The following TTC21B variants were observed in gnomAD, a reference collection of about 807,000 sequenced individuals.
TTC21B encodes the protein tetratricopeptide repeat domain 21B.
TTC21B carries 127 observed loss-of-function variants against 175.1 expected under a neutral mutation model. That is an observed-to-expected ratio of 0.73 (90% CI 0.63 to 0.84). TTC21B has a LOEUF of 0.84. Ranked by LOEUF, TTC21B falls within the 40% of genes least tolerant of loss-of-function variation. The pLI is 0.00. For missense variants in TTC21B, 1,561 were observed against 1,558.3 expected (o/e 1.00, Z -0.03); for synonymous variants, 524 against 524.5 (o/e 1.00, Z 0.01).
intron 20 of TTC21B, 25 bp downstream of exon 20, chr2:165,901,697 T>C (rs1303864663): frequency 5.0e-6 from 8 of 1,599,026 alleles, no homozygotes; most frequent in African/African-American, 2.7e-5. Flanking sequence ...ATAAAAGGTA[T>C]TTAAAATTTT....
chr2:165,888,030 T>C (rs1388165144), intron 25 of TTC21B, among the ~76,000 whole-genome samples: 1 of 152,182 alleles, frequency 6.6e-6, no homozygotes, highest in Non-Finnish European at 1.5e-5. Flanking sequence ...CTTATATACT[T>C]TTGAAGAATT....
chr2:165,912,459 A>G (rs1685988299), intron 17 of TTC21B, 55 bp downstream of exon 17: 2 of 1,353,412 alleles, frequency 1.5e-6, no homozygotes, highest in Non-Finnish European at 2.1e-6. Flanking sequence ...CTTCTCGAGG[A>G]CAGGGTATGA....
intron 26 of TTC21B, among the ~76,000 whole-genome samples, chr2:165,881,593 T>C (rs2105282037): frequency 6.6e-6 from 1 of 152,236 alleles, no homozygotes; most frequent in East Asian, 1.9e-4. Flanking sequence ...GTGGTGTTTA[T>C]ATAATATATT....
At chr2:165,887,648 T>C (rs907269231) in intron 25 of TTC21B, among the ~76,000 whole-genome samples, 8 of 151,570 alleles carry the variant, frequency 5.3e-5, no homozygotes, top group Admixed American at 1.3e-4. Flanking sequence ...GATCGCGCCA[T>C]TGCACTCCAG....
At chr2:165,898,606 G>T in intron 22 of TTC21B, 80 bp downstream of exon 22, 2 of 947,070 alleles carry the variant, frequency 2.1e-6, no homozygotes, top group South Asian at 1.3e-5. Flanking sequence ...GTTTGCCCGA[G>T]GGCATAACCA....
At chr2:165,903,178 T>C (rs73969722) in intron 19 of TTC21B, among the ~76,000 whole-genome samples, 6,800 of 152,256 alleles carry the variant, frequency 0.045, 217 homozygotes, top group African/African-American at 0.082. Flanking sequence ...GCTGTTGCCA[T>C]GGGAGTACAT....
At chr2:165,945,767 G>C (rs887475200) in intron 3 of TTC21B, 77 bp from the exon 4 acceptor site, 3 of 1,464,770 alleles carry the variant, frequency 2.0e-6, no homozygotes, top group Non-Finnish European at 2.8e-6. Context: ...AATTAACAAG[G>C]CAAAAAATTT....
In TTC21B at chr2:165,935,753, C is replaced by G. The variant is rs1438126626; in HGVS notation, c.711-2696G>C. Among the ~76,000 whole-genome samples the G allele has an allele frequency of 2.0e-5, 3 of 152,072 alleles. No individual in the cohort carries two copies. The East Asian group carries it at 5.8e-4, about 29-fold the overall frequency. ...GTAAAATACTTAGGTACATATAAAT[C>G]TAACAAAATATGTGCAAGATTTCTA... On this transcript the variant is annotated intron_variant, in intron 6 of 28. Coordinates refer to ENST00000243344, the MANE Select transcript of TTC21B (RefSeq NM_024753.5).
At chr2:165,927,247 TATATATATATATATCCTAGTAG>T (rs1686693642) in intron 11 of TTC21B, among the ~76,000 whole-genome samples, 10 of 662 alleles carry the variant, frequency 0.015, no homozygotes, top group Admixed American at 0.025. Context: ...TCCTAGTAGT[TATATATATATATATCCTAGTAG>T]TTATATATAT....
chr2:165,935,943 T>C (rs1394484641), intron 6 of TTC21B, among the ~76,000 whole-genome samples: 1 of 136,516 alleles, frequency 7.3e-6, no homozygotes, highest in Non-Finnish European at 1.7e-5. Flanking sequence ...GCAAGTTATT[T>C]TGAGGATATT....
chr2:165,885,697 T>A (rs1384101972), intron 25 of TTC21B, among the ~76,000 whole-genome samples: 1 of 152,196 alleles, frequency 6.6e-6, no homozygotes, highest in African/African-American at 2.4e-5. Flanking sequence ...AAATAACCTC[T>A]CTTACACTTT....
At chr2:165,896,575 T>C (rs1166334433) in intron 22 of TTC21B, among the ~76,000 whole-genome samples, 1 of 152,094 alleles carries the variant, frequency 6.6e-6, no homozygotes, top group Non-Finnish European at 1.5e-5. Context: ...CAAGAAGTGG[T>C]GCTACTTGAT....
rs377209277 is a variant in TTC21B at position 165,890,936 on chromosome 2, T to G, written c.3003A>C (p.Lys1001Asn). The G allele has an allele frequency of 2.5e-5, 41 of 1,613,086 alleles. No homozygotes were observed. The highest frequency in any genetic ancestry group is 2.2e-5 in the East Asian group (1 of 44,792). Residue 1001 changes from lysine (K) to asparagine (N), a missense_variant, in exon 23 of 29, where the codon AAA becomes AAC. Transcript: ENST00000243344. Reference sequence around the variant, plus strand: ...AGAAAAATCTTGGGACATCCTCGAGTTTTCCACATCTTCTTAGGAGATCAA... The same window carrying G: ...AGAAAAATCTTGGGACATCCTCGAGGTTTCCACATCTTCTTAGGAGATCAA... The part of the protein sequence containing the change: ...RLIDLLRRCG[K>N]LEDVPRFFSM...
chr2:165,945,278 CAG>C (rs1687510242), intron 4 of TTC21B, among the ~76,000 whole-genome samples: 1 of 152,022 alleles, frequency 6.6e-6, no homozygotes, highest in African/African-American at 2.4e-5. Context: ...AAGAGAAAAA[CAG>C]AGAGAAGGAA....
At chr2:165,910,476 T>C (rs1685892623) in intron 18 of TTC21B, among the ~76,000 whole-genome samples, 1 of 151,968 alleles carries the variant, frequency 6.6e-6, no homozygotes. Flanking sequence ...CCCAAACAAA[T>C]TTTACATGCA....
intron 6 of TTC21B, among the ~76,000 whole-genome samples, chr2:165,937,397 T>C (rs1687189635): frequency 6.6e-6 from 1 of 152,164 alleles, no homozygotes; most frequent in Non-Finnish European, 1.5e-5. Context: ...TCCAAACCAC[T>C]AGAATGTACA....
At chr2:165,914,461 C>T (rs1686068359) in intron 15 of TTC21B, among the ~76,000 whole-genome samples, 1 of 152,132 alleles carries the variant, frequency 6.6e-6, no homozygotes, top group African/African-American at 2.4e-5. Context: ...CGGTGCTGCT[C>T]AGTTTCTCTG....
At chr2:165,876,057 A>G (rs1223208937) in intron 28 of TTC21B, 108 bp downstream of exon 28, 1 of 718,984 alleles carries the variant, frequency 1.4e-6, no homozygotes, top group African/African-American at 1.8e-5. Flanking sequence ...TAAATCATTT[A>G]ACTAAAATAA....
chr2:165,953,543 C>T lies in TTC21B; in HGVS notation c.21+142G>A, dbSNP rs6716946. The stretch of plus-strand genomic sequence containing the variant: ...GTGAGCAGAGGCTGCAGGCCCACCC[C>T]GCAACCCGAGCAGCCGGGGCACCGC... On this transcript the variant is annotated intron_variant, in intron 1 of 28. Coordinates refer to ENST00000243344, the MANE Select transcript of TTC21B (RefSeq NM_024753.5). 1,425,225 of 1,426,078 alleles carry T rather than the reference C, an allele frequency of 1. 712,188 individuals carry two copies. The highest frequency in any genetic ancestry group is 1 in the East Asian group (40,284 of 40,284). 88.3% of individuals were successfully genotyped at this position (1,426,078 alleles called of 1,614,324 possible).
Sources: allele counts gnomAD v4.1 joint callset (sites outside exome capture counted in the v4.1 genomes callset), GRCh38; gene constraint gnomAD v4.1.1; transcripts MANE v1.5; gene names NCBI Gene and HGNC (gene_info 2026-07-23, HGNC 2026-07-21).